SP140L: variants seen among roughly 807,000 people sequenced by gnomAD.
SP140L encodes SP140 like nuclear body protein.
In SP140L, 64 loss-of-function variants were observed where a neutral mutation model predicts 84.3. The observed-to-expected ratio is 0.76, with a 90% CI of 0.62 to 0.94. The LOEUF is 0.94. Ranked by LOEUF, SP140L falls within the 40% of genes least tolerant of loss-of-function variation. The probability of loss-of-function intolerance (pLI) is 0.00; values close to 1 mark genes in which losing one functional copy is unlikely to be tolerated. For missense variants in SP140L, 628 were observed against 692.5 expected, an observed-to-expected ratio of 0.91 and a Z score of 1.05; for synonymous variants, 242 against 236.9, an observed-to-expected ratio of 1.02 and a Z score of -0.20.
chr2:230,360,801 A>G (rs2060690730), intron 4 of SP140L, among the ~76,000 whole-genome samples: 1 of 152,088 alleles, frequency 6.6e-6, no homozygotes, highest in African/African-American at 2.4e-5. Flanking sequence ...ACCTTCAGGG[A>G]GATGCTGAAG....
At chr2:230,370,368 T>C (rs1397419882) in intron 5 of SP140L, among the ~76,000 whole-genome samples, 1 of 152,060 alleles carries the variant, frequency 6.6e-6, no homozygotes, top group East Asian at 1.9e-4. Flanking sequence ...GTGTGACCTC[T>C]AGAAGCTGAA....
intron 10 of SP140L, 60 bp from the exon 11 acceptor site, chr2:230,389,859 G>C: frequency 2.0e-6 from 3 of 1,505,574 alleles, no homozygotes; most frequent in Non-Finnish European, 2.8e-6. Context: ...ATTTACCTCA[G>C]TGGGAAGGGG....
intron 12 of SP140L, among the ~76,000 whole-genome samples, chr2:230,393,137 G>C (rs1393486692): frequency 6.6e-6 from 1 of 152,170 alleles, no homozygotes; most frequent in Non-Finnish European, 1.5e-5. Flanking sequence ...TGGAAAAGAA[G>C]TGATAGATGG....
At position 230,402,820 on chromosome 2, in the gene SP140L, G is replaced by T. The variant is rs1470875739; in HGVS notation, c.1667G>T (p.Gly556Val). 2 of 1,612,372 alleles carry T rather than the reference G, an allele frequency of 1.2e-6. No homozygotes were observed. The highest frequency in any genetic ancestry group is 3.4e-5 in the Admixed American group (2 of 59,532). Reference protein sequence around the residue: ...SYKYKDFGQMGLRLEAEFEKD... With the variant: ...SYKYKDFGQMVLRLEAEFEKD... ...CAGTATAAGGATTTTGGCCAAATGG[G>T]ACTTAGACTGGAGGCTGAATTTGAG... The change falls in exon 19 of 19, where the codon GGA becomes GTA. Residue 556 changes from glycine to valine, a missense_variant. Physicochemically the swap from Gly to Val is moderately radical, Grantham distance 109 (BLOSUM62 -3). This residue lies in a region of SP140L where 44 missense variants were observed against 36.1 expected (regional missense o/e 1.22). Coordinates refer to ENST00000415673, the MANE Select transcript of SP140L (RefSeq NM_138402.6).
chr2:230,379,037 T>G (rs1157339681), intron 7 of SP140L, among the ~76,000 whole-genome samples: 4 of 152,210 alleles, frequency 2.6e-5, no homozygotes, highest in Non-Finnish European at 4.4e-5. Context: ...TGCTTTTGCC[T>G]TAAAATCTCT....
chr2:230,358,842 C>T, intron 3 of SP140L, 122 bp from the exon 4 acceptor site: 2 of 774,764 alleles, frequency 2.6e-6, no homozygotes, highest in Non-Finnish European at 2.0e-6. Context: ...AATTATAAAA[C>T]TTTACATGAG....
intron 2 of SP140L, among the ~76,000 whole-genome samples, chr2:230,339,914 C>A (rs201005916): frequency 0.096 from 13,748 of 143,574 alleles, 607 homozygotes; most frequent in East Asian, 0.21. Flanking sequence ...CTTTACTTCC[C>A]AGTATGTGGT....
chr2:230,375,762 T>C (rs981899268), intron 7 of SP140L, among the ~76,000 whole-genome samples: 2 of 152,198 alleles, frequency 1.3e-5, no homozygotes, highest in Admixed American at 6.5e-5. Context: ...GATTTTGTTT[T>C]GTTTTTTGCT....
At chr2:230,351,715 C>T (rs963634538) in intron 2 of SP140L, among the ~76,000 whole-genome samples, 7 of 152,098 alleles carry the variant, frequency 4.6e-5, no homozygotes, top group Non-Finnish European at 1.0e-4. Flanking sequence ...GGTGTGACCT[C>T]GGCTTACTAT....
chr2:230,329,251 G>A (rs1181620741), intron 2 of SP140L, among the ~76,000 whole-genome samples: 7 of 152,114 alleles, frequency 4.6e-5, no homozygotes, highest in Non-Finnish European at 5.9e-5. Flanking sequence ...TTTGTTCCAG[G>A]AAAAGTTCCT....
At chr2:230,373,132 T>C (rs1386885329) in intron 7 of SP140L, among the ~76,000 whole-genome samples, 3 of 152,142 alleles carry the variant, frequency 2.0e-5, no homozygotes, top group African/African-American at 4.8e-5. Context: ...GTTCATGAGG[T>C]TGAAGGAAAG....
intron 2 of SP140L, among the ~76,000 whole-genome samples, chr2:230,351,895 C>T (rs919346238): frequency 2.0e-5 from 3 of 152,184 alleles, no homozygotes; most frequent in Non-Finnish European, 2.9e-5. Flanking sequence ...GATCCACCCG[C>T]GCCAGCGTCC....
intron 2 of SP140L, among the ~76,000 whole-genome samples, chr2:230,352,117 T>G (rs1035788978): frequency 1.3e-5 from 2 of 152,238 alleles, no homozygotes; most frequent in African/African-American, 4.8e-5. Context: ...TTATAGTTCT[T>G]ATACCTTTAA....
intron 7 of SP140L, among the ~76,000 whole-genome samples, chr2:230,379,298 T>C (rs761006154): frequency 5.9e-5 from 9 of 152,160 alleles, no homozygotes; most frequent in Middle Eastern, 3.2e-3. Flanking sequence ...TGTGTGTCTC[T>C]TTCCTGATTT....
chr2:230,330,492 G>C (rs2059696932), intron 2 of SP140L, among the ~76,000 whole-genome samples: 1 of 152,134 alleles, frequency 6.6e-6, no homozygotes, highest in Non-Finnish European at 1.5e-5. Flanking sequence ...TCCCAAATTA[G>C]CCTGTCAAAA....
chr2:230,354,906 A>G (rs1236477468), intron 2 of SP140L, among the ~76,000 whole-genome samples: 5 of 139,988 alleles, frequency 3.6e-5, no homozygotes, highest in Non-Finnish European at 7.8e-5. Flanking sequence ...AGGAAAGAGA[A>G]AGAAGAAAGA....
At chr2:230,337,647 A>C (rs2059917614) in intron 2 of SP140L, among the ~76,000 whole-genome samples, 1 of 152,216 alleles carries the variant, frequency 6.6e-6, no homozygotes, top group East Asian at 1.9e-4. Flanking sequence ...GTAAGTCTTT[A>C]ATCCACCTTG....
chr2:230,351,653 C>G (rs1310449343), intron 2 of SP140L, among the ~76,000 whole-genome samples: 1 of 152,030 alleles, frequency 6.6e-6, no homozygotes, highest in East Asian at 1.9e-4. Flanking sequence ...ATTATTTTAT[C>G]CAGGTTTTTT....
intron 2 of SP140L, among the ~76,000 whole-genome samples, chr2:230,332,052 A>C (rs2059739180): frequency 6.6e-6 from 1 of 152,086 alleles, no homozygotes; most frequent in Non-Finnish European, 1.5e-5. Context: ...CGCTCAGGGG[A>C]ACGCTTGTAA....
Sources: gnomAD v4.1 joint callset for allele counts (sites outside exome capture counted in the v4.1 genomes callset) on GRCh38, gnomAD v4.1.1 for gene constraint, gnomAD v4.1.1 regional missense constraint, MANE v1.5 for transcripts, NCBI Gene and HGNC (gene_info 2026-07-23, HGNC 2026-07-21) for gene names.